The following PHF19 variants were observed in gnomAD, a reference collection of about 807,000 sequenced individuals.
PHF19 encodes polycomb like 3.
Under a neutral mutation model 79.8 loss-of-function variants are expected in PHF19, and 21 were observed. The ratio of observed to expected loss-of-function variants is 0.26; its 90% CI spans 0.19 to 0.38. PHF19 has a LOEUF of 0.38. PHF19 is among the 10% of genes least tolerant of loss of function. PHF19 has a pLI of 1.00. For synonymous variants in PHF19, 273 were observed against 296.3 expected (o/e 0.92, Z 0.81); for missense variants, 445 against 744.2 (o/e 0.60, Z 4.68).
At chr9:120,894,830 A>C (rs930267936) in exon 1 of PHF19, 8 of 1,229,320 alleles carry the variant, frequency 6.5e-6, no homozygotes, top group Non-Finnish European at 8.1e-6. Flanking sequence ...AGACCAGCAT[A>C]GTGCAGGGCA....
Position 120,864,254 on chromosome 9 carries a change from C to T in PHF19, c.901-138G>A, listed in dbSNP as rs2131507180. 10 of 696,814 alleles carry T rather than the reference C, an allele frequency of 1.4e-5. 1 individual carries two copies. In the South Asian group the frequency reaches 1.7e-4, roughly 12 times the overall value. 43.2% of individuals were successfully genotyped at this position (696,814 alleles called of 1,614,324 possible). On this transcript the variant is annotated intron_variant, in intron 9 of 14. Coordinates refer to ENST00000373896, the MANE Select transcript of PHF19 (RefSeq NM_015651.3). ...GGACCACTGACTCACTCCAGGATCT[C>T]AGAAAAGCCTTTTCACCTCTCCAAG... is the stretch of plus-strand genomic sequence containing the variant.
chr9:120,863,467 A>G (rs1325397452), intron 10 of PHF19, among the ~76,000 whole-genome samples: 1 of 152,192 alleles, frequency 6.6e-6, no homozygotes, highest in Admixed American at 6.5e-5. Flanking sequence ...ACTGAGGCAC[A>G]TCCTAGACAA....
chr9:120,896,907 C>T (rs539874094), upstream of PHF19, among the ~76,000 whole-genome samples: 4 of 152,324 alleles, frequency 2.6e-5, no homozygotes, highest in South Asian at 6.2e-4. Context: ...ATAACACGCC[C>T]CCACTGAAAG....
In PHF19 at chr9:120,860,776, G is replaced by C. The variant is rs886572898; in HGVS notation, c.1304+313C>G. The C allele has an allele frequency of 1.0e-5, 3 of 296,210 alleles. No homozygotes were observed. Among genetic ancestry groups the C allele is most frequent in the African/African-American group, 6.3e-5 (3 of 47,298 alleles). 18.3% of individuals were successfully genotyped at this position (296,210 alleles called of 1,614,324 possible). On this transcript the variant is annotated intron_variant, in intron 13 of 14. Coordinates refer to ENST00000373896, the MANE Select transcript of PHF19 (RefSeq NM_015651.3). The surrounding 1 kb of genome is among the most constrained non-coding windows in gnomAD (Gnocchi z 4.1). ...AGTAAAGCCTTCCTGGAAGAAGCAG[G>C]GTCCTGAGTTTTCAGATGGGCTAGG...
At chr9:120,881,846 C>CT (rs1410576542), upstream of PHF19, among the ~76,000 whole-genome samples, 1 of 152,262 alleles carries the variant, frequency 6.6e-6, no homozygotes, top group Non-Finnish European at 1.5e-5. Context: ...ACTGCAAACT[C>CT]TGCCTCCCAG....
chr9:120,868,465 G>A (rs1482678850), intron 6 of PHF19: 1 of 152,348 alleles, frequency 6.6e-6, no homozygotes. Context: ...TGAGGCTAAG[G>A]GGTTGCACAG....
intron 3 of PHF19, among the ~76,000 whole-genome samples, chr9:120,872,117 G>A (rs1362006021): frequency 6.6e-6 from 1 of 151,006 alleles, no homozygotes; most frequent in Non-Finnish European, 1.5e-5. Context: ...ATAGAGTGTG[G>A]CATGTAACAG....
At chr9:120,882,502 T>C (rs752794338) in intron 1 of PHF19, among the ~76,000 whole-genome samples, 3 of 152,234 alleles carry the variant, frequency 2.0e-5, no homozygotes, top group Non-Finnish European at 2.9e-5. Context: ...AACATCATTT[T>C]CTTTCAGAAA....
intron 1 of PHF19, chr9:120,876,099 G>A (rs911568523): frequency 6.5e-6 from 1 of 152,838 alleles, no homozygotes; most frequent in African/African-American, 2.4e-5. Flanking sequence ...ATTGTGCCAG[G>A]GAGTGTGTGA....
chr9:120,883,783 A>ACG (rs2046224492), intron 1 of PHF19, among the ~76,000 whole-genome samples: 2 of 143,864 alleles, frequency 1.4e-5, no homozygotes, highest in Admixed American at 7.0e-5. Flanking sequence ...AAAAAAAAAT[A>ACG]GAAGCTCCTG....
rs779726682 is a variant in PHF19, at chr9:120,866,871, G to A, written c.709C>T (p.Arg237Trp). Residue 237 changes from arginine to tryptophan, a missense_variant and splice_region_variant, in exon 7 of 15, where the codon CGG becomes TGG. Arg to Trp is a moderately radical substitution (Grantham distance 101). This residue lies in a region of PHF19 where 167 missense variants were observed against 375.8 expected (regional missense o/e 0.44). Coordinates refer to ENST00000373896, the MANE Select transcript of PHF19 (RefSeq NM_015651.3). This position sits in a 1 kb window ranked among gnomAD's most constrained non-coding sequence, Gnocchi z 5.2. ...CACTTGGACCAAATTAGCACCTACC[G>A]GTCTCCAAACATCATGGGCTCATTG... ...CLNEPMMFGD[R>W]FYLFFCSVCN... 5 of 1,587,796 alleles carry A rather than the reference G, an allele frequency of 3.1e-6. No homozygotes were observed. Among genetic ancestry groups the A allele is most frequent in the East Asian group, 2.2e-5 (1 of 44,734 alleles).
In PHF19 at chr9:120,874,563, A is replaced by G; in HGVS notation, c.179T>C (p.Ile60Thr). ...CAGAGAGGATGGGTTTACCCTCTTG[A>G]TCTTCCCGAGGTAGTACAGGCCATC... ...WTDGLYYLGKIKRVSSSKQSC... is the reference protein window; with the variant it reads ...WTDGLYYLGKTKRVSSSKQSC... Residue 60 changes from isoleucine to threonine, a missense_variant, in exon 2 of 15, where the codon ATC becomes ACC. Ile to Thr is a moderately conservative substitution (Grantham distance 89). Around this residue, in one of 5 missense-constraint regions of PHF19, gnomAD observed 167 missense variants for 375.8 expected, o/e 0.44. Coordinates refer to ENST00000373896, the MANE Select transcript of PHF19 (RefSeq NM_015651.3). The surrounding 1 kb of genome is among the most constrained non-coding windows in gnomAD (Gnocchi z 4.5). The G allele has an allele frequency of 6.2e-7, 1 of 1,607,500 alleles. No individual in the cohort carries two copies.
At chr9:120,896,447 T>C (rs74405796), upstream of PHF19, among the ~76,000 whole-genome samples, 3 of 125,478 alleles carry the variant, frequency 2.4e-5, no homozygotes, top group Admixed American at 9.2e-5. Context: ...CTTTTTTTTT[T>C]TTTCTTTTTT....
rs1458528909 is a variant in PHF19, at chr9:120,870,216, C to G, written c.364+227G>C. On this transcript the variant is annotated intron_variant, in intron 4 of 14. Transcript: ENST00000373896. This position sits in a 1 kb window ranked among gnomAD's most constrained non-coding sequence, Gnocchi z 4.4. ...GCCCCATCTTTCCCACCCATCCTCT[C>G]CATCTAGCTGGGCCCCAAATTACAT... Among the ~76,000 whole-genome samples the G allele has an allele frequency of 6.6e-6, 1 of 152,232 alleles. No homozygotes were observed. The highest frequency in any genetic ancestry group is 3.2e-3 in the Middle Eastern group (1 of 316).
At chr9:120,897,477 G>A (rs964818452), upstream of PHF19, among the ~76,000 whole-genome samples, 2 of 152,186 alleles carry the variant, frequency 1.3e-5, no homozygotes, top group Non-Finnish European at 2.9e-5. Context: ...GAGTGGGTGG[G>A]GCCTGTTCCC....
At chr9:120,858,806 A>G (rs953700814) in intron 14 of PHF19, among the ~76,000 whole-genome samples, 2 of 112,786 alleles carry the variant, frequency 1.8e-5, no homozygotes, top group African/African-American at 6.4e-5. Flanking sequence ...AGAGACTGAC[A>G]GACATCACAC....
upstream of PHF19, among the ~76,000 whole-genome samples, chr9:120,896,941 C>T (rs2046407704): frequency 6.6e-6 from 1 of 152,188 alleles, no homozygotes; most frequent in South Asian, 2.1e-4. Context: ...TGGCATCTGC[C>T]CAGAGTGTAG....
intron 1 of PHF19, among the ~76,000 whole-genome samples, chr9:120,889,577 C>A (rs933451179): frequency 1.3e-5 from 2 of 148,674 alleles, no homozygotes; most frequent in Admixed American, 6.7e-5. Context: ...CCTGCCTCTA[C>A]GAAAAATTAA....
chr9:120,881,475 T>G (rs1329534398), upstream of PHF19, among the ~76,000 whole-genome samples: 1 of 152,104 alleles, frequency 6.6e-6, no homozygotes, highest in East Asian at 1.9e-4. Flanking sequence ...ATCTGTATGT[T>G]TTATTTCTTA....
Sources: allele counts gnomAD v4.1 joint callset (sites outside exome capture counted in the v4.1 genomes callset), GRCh38; gene constraint gnomAD v4.1.1; regional missense constraint gnomAD v4.1.1; non-coding constraint Gnocchi (gnomAD v3.1); transcripts MANE v1.5; gene names NCBI Gene and HGNC (gene_info 2026-07-23, HGNC 2026-07-21).